Variants in GALNTL6 observed in about 807,000 individuals in gnomAD.
The protein encoded by GALNTL6 is polypeptide N-acetylgalactosaminyltransferase-like 6.
GALNTL6 carries 46 observed loss-of-function variants against 73.7 expected under a neutral mutation model. The observed-to-expected ratio is 0.62, with a 90% confidence interval of 0.49 to 0.80. The LOEUF is 0.80. Ranked by LOEUF, GALNTL6 falls within the 30% of genes least tolerant of loss-of-function variation. The pLI, the probability that GALNTL6 is intolerant of heterozygous loss-of-function variation, is 0.00. For synonymous variants in GALNTL6, 259 were observed against 263.7 expected, an observed-to-expected ratio of 0.98 and a Z score of 0.17; for missense variants, 604 against 755.0, an observed-to-expected ratio of 0.80 and a Z score of 2.34.
chr4:171,859,537 C>T (rs567719184), intron 2 of GALNTL6, among the ~76,000 whole-genome samples: 4 of 152,088 alleles, frequency 2.6e-5, no homozygotes, highest in East Asian at 3.9e-4. Flanking sequence ...AGAAAAAAAT[C>T]GGTTATACTC....
At chr4:172,042,375 A>C (rs2110841954) in intron 2 of GALNTL6, among the ~76,000 whole-genome samples, 1 of 152,156 alleles carries the variant, frequency 6.6e-6, no homozygotes, top group African/African-American at 2.4e-5. Context: ...ATGGCACATA[A>C]AAATAAGCCT....
intron 7 of GALNTL6, among the ~76,000 whole-genome samples, chr4:172,839,978 C>T (rs1253474801): frequency 6.6e-6 from 1 of 152,102 alleles, no homozygotes; most frequent in African/African-American, 2.4e-5. Context: ...TTGTCTTACC[C>T]TATAGAGGTA....
At chr4:172,095,460 T>A (rs1732325462) in intron 2 of GALNTL6, among the ~76,000 whole-genome samples, 1 of 152,104 alleles carries the variant, frequency 6.6e-6, no homozygotes, top group Admixed American at 6.6e-5. Flanking sequence ...AAAGCACAGT[T>A]GGGGATATGT....
At chr4:171,912,621 C>T (rs1737508085) in intron 2 of GALNTL6, among the ~76,000 whole-genome samples, 1 of 152,082 alleles carries the variant, frequency 6.6e-6, no homozygotes, top group Non-Finnish European at 1.5e-5. Flanking sequence ...CTATAGTCTC[C>T]CTGCTATATT....
chr4:172,149,380 A>AAGCCATGACCTATGGGACATATCTTGC (rs1325399365), intron 2 of GALNTL6, among the ~76,000 whole-genome samples: 1 of 152,114 alleles, frequency 6.6e-6, no homozygotes, highest in South Asian at 2.1e-4. Flanking sequence ...GGACATATTG[A>AAGCCATGACCTATGGGACATATCTTGC]AGCCATGACC....
chr4:171,848,134 A>C (rs1186231179), intron 2 of GALNTL6, among the ~76,000 whole-genome samples: 1 of 152,248 alleles, frequency 6.6e-6, no homozygotes, highest in Non-Finnish European at 1.5e-5. Context: ...GGCAGCCATG[A>C]AAACAACATT....
At chr4:172,829,804 G>A (rs187484287) in intron 7 of GALNTL6, among the ~76,000 whole-genome samples, 1 of 152,102 alleles carries the variant, frequency 6.6e-6, no homozygotes, top group Non-Finnish European at 1.5e-5. Flanking sequence ...ATTCATCTTG[G>A]TCTGATGAAT....
intron 2 of GALNTL6, among the ~76,000 whole-genome samples, chr4:172,132,915 C>T (rs1402273647): frequency 6.6e-6 from 1 of 152,086 alleles, no homozygotes; most frequent in Non-Finnish European, 1.5e-5. Context: ...GAAACTGGGA[C>T]ATTTTCTGCC....
chr4:172,161,363 C>A (rs932125656), intron 2 of GALNTL6, among the ~76,000 whole-genome samples: 1 of 151,890 alleles, frequency 6.6e-6, no homozygotes, highest in African/African-American at 2.4e-5. Context: ...TCTGAAACTT[C>A]AGCATGGTTT....
At chr4:172,256,899 A>T (rs1363698339) in intron 3 of GALNTL6, among the ~76,000 whole-genome samples, 4 of 151,336 alleles carry the variant, frequency 2.6e-5, no homozygotes, top group Non-Finnish European at 5.9e-5. Flanking sequence ...CCCAGAGGAA[A>T]AAAACTTATG....
intron 2 of GALNTL6, among the ~76,000 whole-genome samples, chr4:171,949,696 C>T (rs1293420002): frequency 6.6e-6 from 1 of 151,636 alleles, no homozygotes; most frequent in Non-Finnish European, 1.5e-5. Flanking sequence ...AAAATGACAG[C>T]AGAGAAAAAA....
chr4:172,580,973 G>T (rs1737162779), intron 5 of GALNTL6, among the ~76,000 whole-genome samples: 1 of 152,152 alleles, frequency 6.6e-6, no homozygotes, highest in African/African-American at 2.4e-5. Flanking sequence ...TGTTGGTCAG[G>T]CTGGTCTCAA....
In GALNTL6 at chr4:172,583,845, A is replaced by T. The variant is rs1560821037; in HGVS notation, c.554-225516A>T. Among the ~76,000 whole-genome samples the T allele has an allele frequency of 2.0e-5, 3 of 146,700 alleles. No homozygotes were observed. In the South Asian group the frequency reaches 6.5e-4, roughly 32 times the overall value. On this transcript the variant is annotated intron_variant, in intron 5 of 12. Transcript: ENST00000506823. ...CCAGGAGGTGGAGGTTGCAGCCGAG[A>T]TCACACCACCGCACTCCAGCCTGGG...
At chr4:172,481,093 G>A (rs537751270) in intron 5 of GALNTL6, among the ~76,000 whole-genome samples, 1 of 152,270 alleles carries the variant, frequency 6.6e-6, no homozygotes, top group East Asian at 1.9e-4. Context: ...TGTGTCCGGA[G>A]TTTGTTACTT....
intron 5 of GALNTL6, among the ~76,000 whole-genome samples, chr4:172,774,898 T>A (rs1256852122): frequency 6.6e-6 from 1 of 151,600 alleles, no homozygotes; most frequent in East Asian, 1.9e-4. Context: ...AGGCAGAGGT[T>A]GCAGTGAGCC....
intron 2 of GALNTL6, among the ~76,000 whole-genome samples, chr4:171,828,539 A>C (rs995491672): frequency 2.0e-5 from 3 of 152,212 alleles, no homozygotes; most frequent in African/African-American, 7.2e-5. Flanking sequence ...AATTCATCTT[A>C]TAAACAAACG....
intron 4 of GALNTL6, among the ~76,000 whole-genome samples, chr4:172,341,355 G>C (rs1232360501): frequency 6.8e-6 from 1 of 147,954 alleles, no homozygotes; most frequent in Non-Finnish European, 1.5e-5. Context: ...GGAGGCTGAG[G>C]CAGGAGAATG....
intron 2 of GALNTL6, among the ~76,000 whole-genome samples, chr4:172,043,020 G>A (rs762336873): frequency 2.6e-5 from 4 of 151,810 alleles, no homozygotes; most frequent in East Asian, 1.9e-4. Flanking sequence ...ATGAGTCACC[G>A]TCTTTGTTGG....
At chr4:171,880,741 G>A (rs1736423268) in intron 2 of GALNTL6, among the ~76,000 whole-genome samples, 1 of 152,166 alleles carries the variant, frequency 6.6e-6, no homozygotes, top group African/African-American at 2.4e-5. Flanking sequence ...TAGGCTTATA[G>A]TAAGAAGTAA....
Sources: allele counts gnomAD v4.1 joint callset (sites outside exome capture counted in the v4.1 genomes callset), GRCh38; gene constraint gnomAD v4.1.1; transcripts MANE v1.5; gene names NCBI Gene and HGNC (gene_info 2026-07-23, HGNC 2026-07-21).